The following RPH3A variants were observed in gnomAD, a reference collection of about 807,000 sequenced individuals.
The protein encoded by RPH3A is rabphilin-3A.
A neutral mutation model predicts 102.2 loss-of-function variants in RPH3A; 48 were observed. The observed-to-expected ratio is 0.47, with a 90% CI of 0.37 to 0.60. The LOEUF is 0.60. Ranked by LOEUF, RPH3A falls within the 20% of genes least tolerant of loss-of-function variation. The probability of loss-of-function intolerance (pLI) is 0.00; values close to 1 mark genes in which losing one functional copy is unlikely to be tolerated. For synonymous variants in RPH3A, 310 were observed against 324.3 expected, an observed-to-expected ratio of 0.96 and a Z score of 0.47; for missense variants, 781 against 910.1, an observed-to-expected ratio of 0.86 and a Z score of 1.83.
chr12:112,599,321 T>G (rs1366111577), intron 1 of RPH3A, among the ~76,000 whole-genome samples: 2 of 152,162 alleles, frequency 1.3e-5, no homozygotes, highest in Non-Finnish European at 2.9e-5. Flanking sequence ...GCCTCTGAAA[T>G]AGAAGAAGAA....
At chr12:112,769,865 C>T (rs999446512) in intron 1 of RPH3A, among the ~76,000 whole-genome samples, 1 of 152,302 alleles carries the variant, frequency 6.6e-6, no homozygotes, top group Non-Finnish European at 1.5e-5. Flanking sequence ...AGGCTAACAT[C>T]ATCTTTGACC....
At chr12:112,852,515 A>T (rs929673878) in intron 5 of RPH3A, among the ~76,000 whole-genome samples, 66 of 152,194 alleles carry the variant, frequency 4.3e-4, no homozygotes, top group African/African-American at 1.5e-3. Context: ...CTCATCCCAT[A>T]TATTAGAAAA....
intron 5 of RPH3A, among the ~76,000 whole-genome samples, chr12:112,853,735 A>G (rs979329518): frequency 6.6e-6 from 1 of 152,118 alleles, no homozygotes; most frequent in Non-Finnish European, 1.5e-5. Flanking sequence ...AGGCTGAGGT[A>G]CATGAATCAT....
chr12:112,862,957 G>A (rs1487969531), intron 5 of RPH3A, among the ~76,000 whole-genome samples: 2 of 151,596 alleles, frequency 1.3e-5, no homozygotes, highest in Admixed American at 6.6e-5. Context: ...ACACAGCTGG[G>A]ACCCAGTCCA....
rs190157927 is a variant in RPH3A, at chr12:112,877,561, G to A, written c.1171+695G>A. ...TGTCTGCATCCAATATGTGTTGGTG[G>A]GTGGGGACATTACCAGTTGTTTCTG... On this transcript the variant is annotated intron_variant, in intron 13 of 21. Coordinates refer to ENST00000389385, the MANE Select transcript of RPH3A (RefSeq NM_001143854.2). Among the ~76,000 whole-genome samples, 9 of 152,212 alleles carry A rather than the reference G, an allele frequency of 5.9e-5. No homozygotes were observed. In the East Asian group the frequency reaches 1.7e-3, roughly 29 times the overall value.
intron 1 of RPH3A, among the ~76,000 whole-genome samples, chr12:112,669,707 A>G (rs756073775): frequency 1.4e-4 from 22 of 152,242 alleles, no homozygotes; most frequent in Non-Finnish European, 2.9e-4. Flanking sequence ...ATTTACATAA[A>G]TGAGATCATA....
At chr12:112,595,288 G>T in intron 1 of RPH3A, among the ~76,000 whole-genome samples, 1 of 152,100 alleles carries the variant, frequency 6.6e-6, no homozygotes, top group Non-Finnish European at 1.5e-5. Context: ...TCTCTTACTT[G>T]GTGGCTTTCT....
intron 1 of RPH3A, among the ~76,000 whole-genome samples, chr12:112,587,914 G>A (rs947940476): frequency 6.6e-6 from 1 of 152,124 alleles, no homozygotes; most frequent in African/African-American, 2.4e-5. Flanking sequence ...AATGTTGGAG[G>A]TTTGTTCTTG....
intron 5 of RPH3A, among the ~76,000 whole-genome samples, chr12:112,848,488 G>C (rs1448388537): frequency 3.3e-5 from 5 of 152,128 alleles, no homozygotes; most frequent in Admixed American, 2.6e-4. Context: ...TGGATCTTGG[G>C]CATGTTGCTT....
chr12:112,827,057 T>A (rs751007552), intron 2 of RPH3A, among the ~76,000 whole-genome samples: 2 of 152,140 alleles, frequency 1.3e-5, no homozygotes, highest in Non-Finnish European at 2.9e-5. Context: ...ACACCATTTT[T>A]TTCAGCTTTA....
rs180951952 is a variant in RPH3A, at chr12:112,883,215, C to T, written c.1327-78C>T. ...TGGGGAAAGCCACCCACCCACCCCA[C>T]GTCAGCCCAAACGATGGGGTTCCAG... On this transcript the variant is annotated intron_variant, in intron 15 of 21. Coordinates refer to ENST00000389385, the MANE Select transcript of RPH3A (RefSeq NM_001143854.2). 3.2e-5 allele frequency: 36 copies of T among 1,111,072 alleles called. No homozygotes were observed. In the East Asian group the frequency reaches 3.8e-4, roughly 12 times the overall value. 68.8% of individuals were successfully genotyped at this position (1,111,072 alleles called of 1,614,324 possible).
intron 4 of RPH3A, among the ~76,000 whole-genome samples, chr12:112,844,204 G>C (rs1307890684): frequency 4.6e-5 from 7 of 152,204 alleles, no homozygotes; most frequent in African/African-American, 1.4e-4. Context: ...ATACAGCAAA[G>C]GGGATGAGCT....
At chr12:112,865,674 G>C (rs960385605) in intron 6 of RPH3A, 131 bp downstream of exon 6, 1 of 1,004,174 alleles carries the variant, frequency 1.0e-6, no homozygotes, top group African/African-American at 1.8e-5. Flanking sequence ...CCAGGATATG[G>C]TTTTTTTCTG....
At chr12:112,746,337 C>T (rs1392323801) in intron 1 of RPH3A, among the ~76,000 whole-genome samples, 1 of 152,134 alleles carries the variant, frequency 6.6e-6, no homozygotes, top group Non-Finnish European at 1.5e-5. Context: ...GAGGGACGTA[C>T]ATGCTCATGT....
chr12:112,876,589 C>A, intron 12 of RPH3A, 53 bp from the exon 13 acceptor site: 1 of 1,300,774 alleles, frequency 7.7e-7, no homozygotes, highest in Non-Finnish European at 1.1e-6. Flanking sequence ...CTAGGTGCTG[C>A]TGTTATGAAA....
At chr12:112,673,425 A>G (rs1472645255) in intron 1 of RPH3A, among the ~76,000 whole-genome samples, 1 of 152,032 alleles carries the variant, frequency 6.6e-6, no homozygotes. Flanking sequence ...CAAACTCCTC[A>G]GCTCAAGTGA....
chr12:112,752,182 G>A (rs1451605572), intron 1 of RPH3A, among the ~76,000 whole-genome samples: 1 of 152,058 alleles, frequency 6.6e-6, no homozygotes, highest in Non-Finnish European at 1.5e-5. Flanking sequence ...ACACAAACGA[G>A]GTCCAATTCT....
rs141055296 is a variant in RPH3A at position 112,693,439 on chromosome 12, A to G, written c.-139-98704A>G. The stretch of plus-strand genomic sequence containing the variant: ...GAACCTTTCTGATGCCATTACTTAC[A>G]TTTTCATCCAACATCTCATCCTTGC... On this transcript the variant is annotated intron_variant, in intron 1 of 21. Transcript: ENST00000543106. 1.6e-3 allele frequency among the ~76,000 whole-genome samples: 243 copies of G among 152,158 alleles called. 2 individuals are homozygous for G. Among genetic ancestry groups the G allele is most frequent in the African/African-American group, 5.5e-3 (229 of 41,510 alleles).
chr12:112,850,576 G>A (rs921192502), intron 5 of RPH3A, among the ~76,000 whole-genome samples: 1 of 152,172 alleles, frequency 6.6e-6, no homozygotes, highest in Admixed American at 6.5e-5. Context: ...TTCTGGCTGT[G>A]GTTGTTCCAC....
Sources: allele counts gnomAD v4.1 joint callset (sites outside exome capture counted in the v4.1 genomes callset), GRCh38; gene constraint gnomAD v4.1.1; transcripts MANE v1.5; gene names NCBI Gene and HGNC (gene_info 2026-07-23, HGNC 2026-07-21).